MATN2: variants seen among roughly 807,000 people sequenced by gnomAD.
MATN2 encodes the protein matrilin-2.
A neutral mutation model predicts 103.2 loss-of-function variants in MATN2; 69 were observed. The observed-to-expected ratio is 0.67, with a 90% CI of 0.55 to 0.82. The LOEUF is 0.82. MATN2 is among the 40% of genes least tolerant of loss of function. The pLI is 0.00. For synonymous variants in MATN2, 429 were observed against 450.2 expected, an observed-to-expected ratio of 0.95 and a Z score of 0.60; for missense variants, 1,023 against 1,211.5, an observed-to-expected ratio of 0.84 and a Z score of 2.31.
At position 98,005,316 on chromosome 8, in the gene MATN2, C is replaced by T. The variant is rs941985448; in HGVS notation, c.1327+1533C>T. On this transcript the variant is annotated intron_variant, in intron 8 of 18. Coordinates refer to ENST00000254898, the MANE Select transcript of MATN2 (RefSeq NM_002380.5). This position sits in a 1 kb window ranked among gnomAD's most constrained non-coding sequence, Gnocchi z 4.6. ...TCTCTGAGTCCTTTTGAGAGGCCAG[C>T]GGGGAGCGGGTCTCCCATTCAACAG... 3.3e-5 allele frequency among the ~76,000 whole-genome samples: 5 copies of T among 152,174 alleles called. No individual in the cohort carries two copies. Among genetic ancestry groups the T allele is most frequent in the South Asian group, 2.1e-4 (1 of 4,824 alleles).
chr8:97,893,794 C>A (rs1481043501), intron 2 of MATN2, among the ~76,000 whole-genome samples: 1 of 152,148 alleles, frequency 6.6e-6, no homozygotes. Flanking sequence ...CCGCCTGCCT[C>A]GGCCTCCCAA....
rs1177889951 is a variant in MATN2 at position 97,954,405 on chromosome 8, A to G, written c.836-7003A>G. ...TACCTATTTGCTTTGTTTACTATCA[A>G]TCTTCTATCAGGTATGTGCTGCTAA... is the stretch of plus-strand genomic sequence containing the variant. On this transcript the variant is annotated intron_variant, in intron 4 of 18. Coordinates refer to ENST00000254898, the MANE Select transcript of MATN2 (RefSeq NM_002380.5). 3.9e-5 allele frequency among the ~76,000 whole-genome samples: 6 copies of G among 152,296 alleles called. No homozygotes were observed. The East Asian group carries it at 7.7e-4, about 20-fold the overall frequency.
intron 6 of MATN2, among the ~76,000 whole-genome samples, chr8:97,983,760 A>G (rs1375394520): frequency 5.9e-5 from 9 of 152,236 alleles, no homozygotes; most frequent in Non-Finnish European, 1.3e-4. Flanking sequence ...TGCTTTGCAC[A>G]GAGTAAGGCA....
intron 4 of MATN2, among the ~76,000 whole-genome samples, chr8:97,948,469 A>G (rs951753543): frequency 2.6e-5 from 4 of 152,250 alleles, no homozygotes; most frequent in African/African-American, 9.6e-5. Flanking sequence ...AACAGTAATC[A>G]AGACAGTGTG....
In MATN2 at chr8:97,962,451, A is replaced by T. The variant is rs73698700; in HGVS notation, c.958+921A>T. Among the ~76,000 whole-genome samples, 1,335 of 152,348 alleles carry T rather than the reference A, an allele frequency of 8.8e-3. 16 individuals are homozygous for T. Among genetic ancestry groups the T allele is most frequent in the African/African-American group, 0.031 (1,268 of 41,568 alleles). ...AGGGATGTGGAAGGCAAAACAAAACAACAACAAAACAAAAGTTAGGTGGTA... is the reference window on the plus strand; with the variant it reads ...AGGGATGTGGAAGGCAAAACAAAACTACAACAAAACAAAAGTTAGGTGGTA... On this transcript the variant is annotated intron_variant, in intron 5 of 18. Coordinates refer to ENST00000254898, the MANE Select transcript of MATN2 (RefSeq NM_002380.5).
intron 2 of MATN2, among the ~76,000 whole-genome samples, chr8:97,916,534 C>G (rs554903847): frequency 6.6e-6 from 1 of 152,298 alleles, no homozygotes; most frequent in East Asian, 1.9e-4. Context: ...TCCTCTCCCT[C>G]CTCCCACCCT....
intron 5 of MATN2, among the ~76,000 whole-genome samples, chr8:97,963,404 G>T (rs940599267): frequency 1.3e-5 from 2 of 152,106 alleles, no homozygotes; most frequent in Non-Finnish European, 2.9e-5. Context: ...GGAGTAGATG[G>T]GGCAGGAAGC....
rs774154827 is a variant in MATN2, at chr8:98,030,581, A to G, written c.2476A>G (p.Ile826Val). Residue 826 changes from isoleucine to valine, a missense_variant, in exon 15 of 19, where the codon ATA becomes GTA. Ile to Val is a conservative substitution (Grantham distance 29, BLOSUM62 3). Transcript: ENST00000254898. ...YAEDFSTMDE[I>V]SEKLKKGICE... ...CGAAGACTTCAGCACAATGGATGAG[A>G]TAAGTGAAAAACTCAAGAAAGGCAT... 6.2e-7 allele frequency: 1 copy of G among 1,613,996 alleles called. No homozygotes were observed. The highest frequency in any genetic ancestry group is 2.2e-5 in the East Asian group (1 of 44,878).
At chr8:98,032,138 T>G (rs1039383593) in intron 15 of MATN2, 108 bp from the exon 16 acceptor site, 4 of 822,710 alleles carry the variant, frequency 4.9e-6, no homozygotes, top group Admixed American at 5.6e-5. Context: ...CTAAAAAACC[T>G]TAGGTTATGG....
intron 5 of MATN2, among the ~76,000 whole-genome samples, chr8:97,976,265 T>C (rs745569252): frequency 1.6e-4 from 25 of 152,216 alleles, no homozygotes; most frequent in South Asian, 4.2e-4. Flanking sequence ...CCTGCCACCA[T>C]GCCCAGCTAT....
At chr8:98,018,153 T>C (rs1813438448) in intron 12 of MATN2, 37 bp downstream of exon 12, 2 of 1,611,976 alleles carry the variant, frequency 1.2e-6, no homozygotes, top group East Asian at 4.5e-5. Context: ...CTTTTCCCTC[T>C]GTGGACTCAG....
At chr8:97,922,827 G>A (rs1809857344) in intron 2 of MATN2, among the ~76,000 whole-genome samples, 1 of 152,150 alleles carries the variant, frequency 6.6e-6, no homozygotes, top group African/African-American at 2.4e-5. Context: ...GGCTTGATCT[G>A]TTTATATTTA....
At chr8:97,945,501 A>G (rs1227033494) in intron 4 of MATN2, among the ~76,000 whole-genome samples, 1 of 151,868 alleles carries the variant, frequency 6.6e-6, no homozygotes, top group Non-Finnish European at 1.5e-5. Flanking sequence ...TCAATCAGAA[A>G]ACCTTCTCCA....
intron 10 of MATN2, among the ~76,000 whole-genome samples, chr8:98,008,321 T>C (rs1276516094): frequency 6.6e-6 from 1 of 152,092 alleles, no homozygotes; most frequent in East Asian, 1.9e-4. Context: ...TGTTTCGAAG[T>C]GGACCAAGAT....
intron 8 of MATN2, chr8:98,004,043 C>CTT: frequency 2.7e-6 from 1 of 374,942 alleles, no homozygotes; most frequent in Non-Finnish European, 5.1e-6. Context: ...AATCCCAGCA[C>CTT]AGGGAGGCCA....
At chr8:97,990,157 G>C (rs1812342836) in intron 6 of MATN2, among the ~76,000 whole-genome samples, 1 of 144,692 alleles carries the variant, frequency 6.9e-6, no homozygotes, top group Admixed American at 6.9e-5. Flanking sequence ...ATTCCAGCCT[G>C]GGTGACAGAG....
intron 6 of MATN2, among the ~76,000 whole-genome samples, chr8:97,984,180 T>C (rs1409406183): frequency 6.6e-6 from 1 of 152,222 alleles, no homozygotes; most frequent in African/African-American, 2.4e-5. Context: ...TGTGCCATCA[T>C]CCAACCTGCA....
Position 98,021,333 on chromosome 8 carries a change from T to G in MATN2, c.1942+6T>G. 1 of 1,611,922 alleles carries G rather than the reference T, an allele frequency of 6.2e-7. No homozygotes were observed. The highest frequency in any genetic ancestry group is 1.3e-5 in the African/African-American group (1 of 74,978). On this transcript the variant is annotated splice_donor_region_variant and intron_variant, in intron 13 of 18. Coordinates refer to ENST00000254898, the MANE Select transcript of MATN2 (RefSeq NM_002380.5). ...GGACGGAAGACGGTGCAAGAGTAAG[T>G]GATCTGAACTTGGCTCTCTGCTTTA...
chr8:98,018,159 C>T, intron 12 of MATN2, 43 bp downstream of exon 12: 2 of 1,610,796 alleles, frequency 1.2e-6, no homozygotes, highest in Non-Finnish European at 8.5e-7. Flanking sequence ...CCTCTGTGGA[C>T]TCAGACAGTT....
Sources: allele counts gnomAD v4.1 joint callset (sites outside exome capture counted in the v4.1 genomes callset), GRCh38; gene constraint gnomAD v4.1.1; non-coding constraint Gnocchi (gnomAD v3.1); transcripts MANE v1.5; gene names NCBI Gene and HGNC (gene_info 2026-07-23, HGNC 2026-07-21).